Variants in MTUS2 observed in about 807,000 individuals in gnomAD.
MTUS2 encodes the protein microtubule associated scaffold protein 2.
A neutral mutation model predicts 114.1 loss-of-function variants in MTUS2; 40 were observed. The observed-to-expected ratio is 0.35, with a 90% CI of 0.27 to 0.46. MTUS2 has a LOEUF of 0.46. MTUS2 is among the 20% of genes least tolerant of loss of function. The pLI is 1.00. For missense variants in MTUS2, 1,679 were observed against 1,705.4 expected, an observed-to-expected ratio of 0.98 and a Z score of 0.27; for synonymous variants, 688 against 672.0, an observed-to-expected ratio of 1.02 and a Z score of -0.37.
intron 4 of MTUS2, among the ~76,000 whole-genome samples, chr13:29,081,374 A>G (rs1487978052): frequency 6.6e-6 from 1 of 152,130 alleles, no homozygotes; most frequent in African/African-American, 2.4e-5. Flanking sequence ...ACTGACGACT[A>G]AAACATACTA....
Position 29,111,639 on chromosome 13 carries a change from A to G in MTUS2, c.2644+10669A>G, listed in dbSNP as rs141335717. On this transcript the variant is annotated intron_variant, in intron 5 of 15. Transcript: ENST00000612955. The stretch of plus-strand genomic sequence containing the variant: ...AGCTTCTAGATGAATCTTGCTTCTC[A>G]TGGGAACTTTGCCAACAGTATGTGC... 9.2e-5 allele frequency among the ~76,000 whole-genome samples: 14 copies of G among 152,334 alleles called. No individual in the cohort carries two copies. The East Asian group carries it at 2.7e-3, about 29-fold the overall frequency.
At chr13:29,097,246 A>G (rs1890215841) in intron 4 of MTUS2, among the ~76,000 whole-genome samples, 1 of 152,196 alleles carries the variant, frequency 6.6e-6, no homozygotes, top group African/African-American at 2.4e-5. Flanking sequence ...AGAGTTTCTT[A>G]TATAAATGTT....
At chr13:29,149,937 A>G (rs1162506768) in intron 5 of MTUS2, among the ~76,000 whole-genome samples, 9 of 152,026 alleles carry the variant, frequency 5.9e-5, no homozygotes, top group East Asian at 1.9e-4. Context: ...TATAGTTTGA[A>G]GTTGGGTAGT....
At chr13:28,882,899 T>A (rs1179530653) in intron 2 of MTUS2, among the ~76,000 whole-genome samples, 1 of 152,170 alleles carries the variant, frequency 6.6e-6, no homozygotes, top group Non-Finnish European at 1.5e-5. Context: ...TTGTAATCCA[T>A]ACGTCCAAAA....
intron 2 of MTUS2, among the ~76,000 whole-genome samples, chr13:28,959,254 C>T (rs1484573279): frequency 4.6e-5 from 7 of 152,186 alleles, no homozygotes; most frequent in Non-Finnish European, 8.8e-5. Flanking sequence ...AAAAGTGTGC[C>T]GCCACTTCCA....
chr13:29,352,723 A>G (rs1869397659), intron 7 of MTUS2, among the ~76,000 whole-genome samples: 1 of 152,248 alleles, frequency 6.6e-6, no homozygotes, highest in African/African-American at 2.4e-5. Flanking sequence ...TTGTATGGAT[A>G]TAAAACAATT....
chr13:28,990,515 A>G (rs1884786844), intron 2 of MTUS2, among the ~76,000 whole-genome samples: 1 of 152,154 alleles, frequency 6.6e-6, no homozygotes, highest in Non-Finnish European at 1.5e-5. Flanking sequence ...AGCACTCTGT[A>G]AAAATGTACC....
intron 5 of MTUS2, among the ~76,000 whole-genome samples, chr13:29,276,895 C>G (rs1217661309): frequency 6.6e-6 from 1 of 151,134 alleles, no homozygotes; most frequent in African/African-American, 2.4e-5. Context: ...GAGACTCCGT[C>G]TCAAATAAAT....
intron 2 of MTUS2, among the ~76,000 whole-genome samples, chr13:28,930,513 T>A (rs17648396): frequency 0.011 from 1,622 of 152,284 alleles, 16 homozygotes; most frequent in Non-Finnish European, 0.015. Context: ...AATGTGTGGG[T>A]CCCTCTCTTT....
chr13:29,425,135 C>A lies in MTUS2; in HGVS notation c.3118-14848C>A, dbSNP rs186752604. On this transcript the variant is annotated intron_variant, in intron 8 of 15. Coordinates refer to ENST00000612955, the MANE Select transcript of MTUS2 (RefSeq NM_001033602.4). ...TTAACATAGAAATATTTTAACAGAC[C>A]AGGTGCAGTGGCTCACACCTGTAAT... 4.1e-3 allele frequency among the ~76,000 whole-genome samples: 628 copies of A among 152,180 alleles called. 8 individuals are homozygous for A. Among genetic ancestry groups the A allele is most frequent in the Middle Eastern group, 0.027 (8 of 294 alleles).
chr13:28,997,603 G>T (rs1032292489), intron 2 of MTUS2, among the ~76,000 whole-genome samples: 5 of 152,136 alleles, frequency 3.3e-5, no homozygotes, highest in African/African-American at 1.2e-4. Context: ...ATTTAGGATA[G>T]TTAGCTCTTC....
chr13:28,853,371 C>T (rs1382072903), intron 2 of MTUS2, among the ~76,000 whole-genome samples: 7 of 152,222 alleles, frequency 4.6e-5, no homozygotes, highest in East Asian at 3.8e-4. Flanking sequence ...TTCTCTAGAA[C>T]GGCAGTGGCC....
intron 5 of MTUS2, among the ~76,000 whole-genome samples, chr13:29,279,071 A>C (rs541229174): frequency 6.6e-6 from 1 of 152,190 alleles, no homozygotes; most frequent in Non-Finnish European, 1.5e-5. Context: ...GTATTTTTTC[A>C]TAGCAACTCT....
At chr13:29,133,575 T>C (rs781333153) in intron 5 of MTUS2, among the ~76,000 whole-genome samples, 2 of 152,240 alleles carry the variant, frequency 1.3e-5, no homozygotes, top group Non-Finnish European at 2.9e-5. Flanking sequence ...CATGGAAATA[T>C]CCAGTTTTCG....
intron 2 of MTUS2, among the ~76,000 whole-genome samples, chr13:28,892,776 C>T (rs1015346847): frequency 7.2e-5 from 11 of 152,152 alleles, no homozygotes; most frequent in African/African-American, 2.7e-4. Flanking sequence ...TGGTGAAGAG[C>T]TTATGGCCTT....
intron 5 of MTUS2, among the ~76,000 whole-genome samples, chr13:29,195,539 G>GAAAAAA (rs59726006): frequency 1.3e-5 from 1 of 78,522 alleles, no homozygotes; most frequent in African/African-American, 4.2e-5. Flanking sequence ...ACTTAATTCT[G>GAAAAAA]AAAAAAAAAA....
chr13:29,062,559 GT>G (rs1406847739), intron 4 of MTUS2, among the ~76,000 whole-genome samples: 1 of 152,008 alleles, frequency 6.6e-6, no homozygotes, highest in Non-Finnish European at 1.5e-5. Flanking sequence ...GATTTTCTTT[GT>G]TCTGAAACCT....
chr13:29,373,774 G>A (rs959386604), intron 8 of MTUS2, among the ~76,000 whole-genome samples: 13 of 152,212 alleles, frequency 8.5e-5, no homozygotes. Flanking sequence ...ATTTAAGCAA[G>A]GCCCAGAGGA....
intron 4 of MTUS2, among the ~76,000 whole-genome samples, chr13:29,067,712 T>G (rs1203606830): frequency 1.3e-5 from 2 of 151,966 alleles, no homozygotes; most frequent in Admixed American, 1.3e-4. Flanking sequence ...TGGGAGAGAT[T>G]GGAAGGAATG....
Sources: allele counts gnomAD v4.1 joint callset (sites outside exome capture counted in the v4.1 genomes callset), GRCh38; gene constraint gnomAD v4.1.1; transcripts MANE v1.5; gene names NCBI Gene and HGNC (gene_info 2026-07-23, HGNC 2026-07-21).